The following FER1L6 variants were observed in gnomAD, a reference collection of about 807,000 sequenced individuals.
The protein encoded by FER1L6 is fer-1-like protein 6.
FER1L6 carries 177 observed loss-of-function variants against 219.2 expected under a neutral mutation model. That is an observed-to-expected ratio of 0.81 (90% CI 0.71 to 0.91). FER1L6 has a LOEUF of 0.91. FER1L6 is among the 40% of genes least tolerant of loss of function. The probability of loss-of-function intolerance (pLI) is 0.00; values close to 1 mark genes in which losing one functional copy is unlikely to be tolerated. For missense variants in FER1L6, 2,153 were observed against 2,259.9 expected (o/e 0.95, Z 0.96); for synonymous variants, 768 against 824.3 (o/e 0.93, Z 1.17).
rs764246083 is a variant in FER1L6, at chr8:124,070,544, G to C, written c.3912G>C (p.Lys1304Asn). Reference sequence around the variant, plus strand: ...AAACTTTTGAGCTCTTCAGAGGCAAGTCTACGGAAGATGACCATGGTCTTG... The same window carrying C: ...AAACTTTTGAGCTCTTCAGAGGCAACTCTACGGAAGATGACCATGGTCTTG... ...WVKTFELFRGKSTEDDHGLDG... is the reference protein window; with the variant it reads ...WVKTFELFRGNSTEDDHGLDG... Residue 1304 changes from lysine (K) to asparagine (N), a missense_variant, in exon 30 of 41, where the codon AAG (lysine) becomes AAC (asparagine). Transcript: ENST00000522917. 1.9e-6 allele frequency: 3 copies of C among 1,611,824 alleles called. No homozygotes were observed. The South Asian group carries it at 3.3e-5, about 18-fold the overall frequency.
chr8:124,007,410 A>G (rs890186784), intron 13 of FER1L6, among the ~76,000 whole-genome samples: 1 of 152,004 alleles, frequency 6.6e-6, no homozygotes, highest in African/African-American at 2.4e-5. Context: ...GGTGTTTGGG[A>G]AAAAATTACA....
At chr8:124,017,903 G>A (rs190008876) in intron 16 of FER1L6, among the ~76,000 whole-genome samples, 185 bp downstream of exon 16, 52 of 152,318 alleles carry the variant, frequency 3.4e-4, no homozygotes, top group African/African-American at 1.2e-3. Context: ...AGGTTTATAA[G>A]GATGAACTAG....
Position 123,966,184 on chromosome 8 carries a change from G to A in FER1L6, c.278G>A (p.Arg93His), listed in dbSNP as rs370827754. The A allele has an allele frequency of 1.7e-5, 28 of 1,613,858 alleles. No homozygotes were observed. The highest frequency in any genetic ancestry group is 3.3e-5 in the Admixed American group (2 of 59,990). ...ATTGCCATAACCATCACCGAGGCTC[G>A]CCAGCTGGTGGGTGAGAACATTGAC... Reference protein sequence around the residue: ...YQIAITITEARQLVGENIDPV... With the variant: ...YQIAITITEAHQLVGENIDPV... The change falls in exon 5 of 41, where the codon CGC becomes CAC. Residue 93 changes from arginine (R) to histidine (H), a missense_variant. Arg to His is a conservative substitution (Grantham distance 29, BLOSUM62 0). Transcript: ENST00000522917.
At chr8:123,972,005 A>G (rs1381598518) in intron 6 of FER1L6, among the ~76,000 whole-genome samples, 1 of 152,228 alleles carries the variant, frequency 6.6e-6, no homozygotes, top group Non-Finnish European at 1.5e-5. Context: ...CATCTTGCCC[A>G]CAGGGACTCT....
rs1274477238 is a variant in FER1L6 at position 124,074,926 on chromosome 8, C to G, written c.4093-1272C>G. The stretch of plus-strand genomic sequence containing the variant: ...AACATAGAAAGGTACAGTAAAAATA[C>G]AGTATAAAAGATTTGAAAAAAATGG... On this transcript the variant is annotated intron_variant, in intron 31 of 40. Coordinates refer to ENST00000522917, the MANE Select transcript of FER1L6 (RefSeq NM_001039112.2). Among the ~76,000 whole-genome samples the G allele has an allele frequency of 2.0e-5, 3 of 152,142 alleles. No homozygotes were observed. The East Asian group carries it at 5.8e-4, about 29-fold the overall frequency.
At chr8:124,001,091 G>C (rs890419085) in intron 12 of FER1L6, among the ~76,000 whole-genome samples, 2 of 152,144 alleles carry the variant, frequency 1.3e-5, no homozygotes, top group African/African-American at 4.8e-5. Flanking sequence ...GGGATGATTT[G>C]GGGTCTATCC....
chr8:124,097,161 A>T (rs1225321584), intron 35 of FER1L6, 110 bp from the exon 36 acceptor site: 2 of 697,906 alleles, frequency 2.9e-6, no homozygotes, highest in East Asian at 5.6e-5. Flanking sequence ...ACCAAGCTAC[A>T]CTTAACACCT....
chr8:124,109,180 G>A (rs546111521), intron 39 of FER1L6, among the ~76,000 whole-genome samples: 59 of 152,258 alleles, frequency 3.9e-4, no homozygotes, highest in Admixed American at 3.1e-3. Context: ...GTGAGGCTGC[G>A]GACTGCAGCA....
intron 7 of FER1L6, 50 bp from the exon 8 acceptor site, chr8:123,975,096 TGGGG>T (rs1291440180): frequency 6.8e-7 from 1 of 1,464,350 alleles, no homozygotes; most frequent in Non-Finnish European, 9.1e-7. Context: ...GAGAAAGGGG[TGGGG>T]CTGCTGGGCC....
intron 1 of FER1L6, among the ~76,000 whole-genome samples, chr8:123,954,762 C>T (rs1425338869): frequency 6.6e-6 from 1 of 152,220 alleles, no homozygotes; most frequent in Non-Finnish European, 1.5e-5. Context: ...GCACTCCACA[C>T]ATCCTAAGTC....
chr8:124,088,984 C>T (rs62520815), intron 33 of FER1L6, among the ~76,000 whole-genome samples: 21,523 of 152,018 alleles, frequency 0.14, 1,941 homozygotes, highest in East Asian at 0.31. Flanking sequence ...GCGAGCACTC[C>T]CATGGCTGCC....
At chr8:123,865,074 C>T in intron 1 of FER1L6, among the ~76,000 whole-genome samples, 1 of 150,682 alleles carries the variant, frequency 6.6e-6, no homozygotes, top group African/African-American at 2.5e-5. Context: ...TTAGAGTTTC[C>T]AGTTTTTCTG....
chr8:123,896,257 T>G (rs10111524), intron 1 of FER1L6, among the ~76,000 whole-genome samples: 95,360 of 152,070 alleles, frequency 0.63, 29,939 homozygotes, highest in South Asian at 0.75. Flanking sequence ...CAACACACTT[T>G]GCTTTATGTG....
chr8:123,936,471 T>TTTG (rs1554617935), intron 1 of FER1L6, among the ~76,000 whole-genome samples: 9 of 127,046 alleles, frequency 7.1e-5, no homozygotes, highest in Non-Finnish European at 1.5e-4. Context: ...TGTTTTTTTT[T>TTTG]TTTTTTTTTT....
chr8:123,934,248 A>T (rs1381973588), intron 1 of FER1L6, among the ~76,000 whole-genome samples: 1 of 152,206 alleles, frequency 6.6e-6, no homozygotes, highest in Admixed American at 6.5e-5. Context: ...CAGTACCATT[A>T]TCTAATATGG....
intron 1 of FER1L6, among the ~76,000 whole-genome samples, chr8:123,923,465 G>A (rs1813440568): frequency 6.6e-6 from 1 of 152,198 alleles, no homozygotes; most frequent in East Asian, 1.9e-4. Flanking sequence ...TCAATGTCAT[G>A]CTGCTTCCCC....
At chr8:123,933,021 C>A (rs1289701111) in intron 1 of FER1L6, among the ~76,000 whole-genome samples, 1 of 152,190 alleles carries the variant, frequency 6.6e-6, no homozygotes, top group East Asian at 1.9e-4. Flanking sequence ...CCTCTGTGAG[C>A]CCCAGGTTTT....
At chr8:123,865,461 G>A (rs1467342650) in intron 1 of FER1L6, among the ~76,000 whole-genome samples, 1 of 151,318 alleles carries the variant, frequency 6.6e-6, no homozygotes, top group Non-Finnish European at 1.5e-5. Flanking sequence ...CCCCAGAGGT[G>A]GAGCCTACAG....
chr8:123,875,194 A>G (rs1455063626), intron 1 of FER1L6, among the ~76,000 whole-genome samples: 2 of 142,832 alleles, frequency 1.4e-5, no homozygotes, highest in African/African-American at 5.8e-5. Context: ...GACTCAGTCT[A>G]AAAAAAAACA....
Sources: allele counts gnomAD v4.1 joint callset (sites outside exome capture counted in the v4.1 genomes callset), GRCh38; gene constraint gnomAD v4.1.1; transcripts MANE v1.5; gene names NCBI Gene and HGNC (gene_info 2026-07-23, HGNC 2026-07-21).